The following AMOTL1 variants were observed in gnomAD, a reference collection of about 807,000 sequenced individuals.
AMOTL1 encodes angiomotin like 1.
Under a neutral mutation model 102.9 loss-of-function variants are expected in AMOTL1, and 45 were observed. The ratio of observed to expected loss-of-function variants is 0.44; its 90% CI spans 0.34 to 0.56. The LOEUF is 0.56. AMOTL1 is among the 20% of genes least tolerant of loss of function. The pLI is 0.01. For missense variants in AMOTL1, 1,114 were observed against 1,225.6 expected (o/e 0.91, Z 1.36); for synonymous variants, 481 against 484.7 (o/e 0.99, Z 0.10).
chr11:94,860,945 C>G (rs1952761289), intron 9 of AMOTL1, among the ~76,000 whole-genome samples: 1 of 152,136 alleles, frequency 6.6e-6, no homozygotes, highest in African/African-American at 2.4e-5. Flanking sequence ...GGGAGAATCC[C>G]CAGTGGTATG....
intron 3 of AMOTL1, among the ~76,000 whole-genome samples, chr11:94,750,614 T>C (rs1053485390): frequency 1.3e-5 from 2 of 152,154 alleles, no homozygotes; most frequent in African/African-American, 4.8e-5. Flanking sequence ...CCTGCCTTGC[T>C]CCCGTGATGT....
At chr11:94,829,971 C>CAATG in intron 4 of AMOTL1, 79 bp from the exon 5 acceptor site, 2 of 1,389,066 alleles carry the variant, frequency 1.4e-6, no homozygotes, top group Non-Finnish European at 1.9e-6. Flanking sequence ...TTCACACTGG[C>CAATG]AATGTCTAAG....
intron 1 of AMOTL1, among the ~76,000 whole-genome samples, chr11:94,786,615 T>G (rs1406044607): frequency 6.6e-6 from 1 of 152,184 alleles, no homozygotes; most frequent in African/African-American, 2.4e-5. Flanking sequence ...TTATTACACT[T>G]TAAGTTTTAA....
rs529869714 is a variant in AMOTL1 at position 94,869,581 on chromosome 11, C to T, written c.2764+108C>T. The T allele has an allele frequency of 3.9e-6, 5 of 1,288,138 alleles. No individual in the cohort carries two copies. In the East Asian group the frequency reaches 1.0e-4, roughly 26 times the overall value. The allele number at this position is 1,288,138 out of a possible 1,614,324, so 79.8% of individuals were successfully genotyped here. On this transcript the variant is annotated intron_variant, in intron 12 of 12. Transcript: ENST00000433060. Reference sequence around the variant, plus strand: ...AAGCAGGGGCACCCATCAGCTCTTACTCTATGGGGATGCTATTCTAATGCA... The same window carrying T: ...AAGCAGGGGCACCCATCAGCTCTTATTCTATGGGGATGCTATTCTAATGCA...
upstream of AMOTL1, chr11:94,768,299 C>G (rs1202065350): frequency 7.5e-7 from 1 of 1,342,114 alleles, no homozygotes; most frequent in Non-Finnish European, 9.5e-7. Context: ...TAGTGACGAG[C>G]CCGGGCGACC....
intron 6 of AMOTL1, among the ~76,000 whole-genome samples, chr11:94,833,176 G>A (rs1032990191): frequency 2.0e-5 from 3 of 152,210 alleles, no homozygotes; most frequent in Non-Finnish European, 4.4e-5. Context: ...CTGCTTAAAG[G>A]ATCTCAGTGT....
intron 6 of AMOTL1, among the ~76,000 whole-genome samples, chr11:94,839,904 A>C (rs1007175443): frequency 1.3e-5 from 2 of 152,200 alleles, no homozygotes; most frequent in African/African-American, 4.8e-5. Context: ...CTTAATACTA[A>C]TGTATTCAGA....
chr11:94,787,936 A>G (rs1443481135), intron 1 of AMOTL1, among the ~76,000 whole-genome samples: 2 of 152,146 alleles, frequency 1.3e-5, no homozygotes, highest in Admixed American at 6.5e-5. Flanking sequence ...GCCACTGGGA[A>G]CCCAGCCAGA....
chr11:94,785,555 A>G lies in AMOTL1; in HGVS notation c.50-9456A>G, dbSNP rs142183406. Among the ~76,000 whole-genome samples the G allele has an allele frequency of 1.7e-3, 263 of 152,328 alleles. 4 individuals are homozygous for G. Among genetic ancestry groups the G allele is most frequent in the Non-Finnish European group, 1.6e-4 (11 of 68,030 alleles). ...TTTCTTGGAGATATTGGTTGTTTAA[A>G]TTATGTAATTCATTCATGAACGCAT... On this transcript the variant is annotated intron_variant, in intron 1 of 12. Coordinates refer to ENST00000433060, the MANE Select transcript of AMOTL1 (RefSeq NM_130847.3).
chr11:94,755,005 A>T (rs969282056), intron 3 of AMOTL1, among the ~76,000 whole-genome samples: 5 of 152,134 alleles, frequency 3.3e-5, no homozygotes, highest in Admixed American at 6.5e-5. Context: ...TGCTCTTAGT[A>T]GGTGTGATAA....
rs1046957263 is a variant in AMOTL1 at position 94,874,873 on chromosome 11, T to G, written c.*4078T>G. 4 of 152,098 alleles carry G rather than the reference T, an allele frequency of 2.6e-5. No individual in the cohort carries two copies. The highest frequency in any genetic ancestry group is 1.3e-4 in the Admixed American group (2 of 15,270). The allele number at this position is 152,098 out of a possible 1,614,324, so 9.4% of individuals were successfully genotyped here. The stretch of plus-strand genomic sequence containing the variant: ...GAGTTATGCTGAGCAAAGAGATGTG[T>G]TTTTCAAAACCAGGGTTCAAAACCA... On this transcript the variant is annotated 3_prime_UTR_variant, in exon 13 of 13. Transcript: ENST00000433060.
chr11:94,827,604 C>A (rs1327824591), intron 4 of AMOTL1, among the ~76,000 whole-genome samples: 1 of 152,178 alleles, frequency 6.6e-6, no homozygotes, highest in Non-Finnish European at 1.5e-5. Context: ...TTCATGATAT[C>A]TGTGGACGAA....
intron 1 of AMOTL1, among the ~76,000 whole-genome samples, chr11:94,717,166 T>C (rs1950110985): frequency 6.6e-6 from 1 of 151,800 alleles, no homozygotes; most frequent in African/African-American, 2.4e-5. Context: ...ACTTTTCTTT[T>C]TTCCATATTT....
intron 3 of AMOTL1, among the ~76,000 whole-genome samples, chr11:94,747,430 G>T (rs932412811): frequency 2.0e-4 from 30 of 152,200 alleles, no homozygotes. Flanking sequence ...GGGCCAATAT[G>T]CAAGGAGAAA....
At chr11:94,798,611 G>A (rs2135569138) in intron 2 of AMOTL1, among the ~76,000 whole-genome samples, 1 of 152,224 alleles carries the variant, frequency 6.6e-6, no homozygotes, top group African/African-American at 2.4e-5. Context: ...AGTTGACGAC[G>A]AGGGGTAGGT....
chr11:94,820,572 C>G (rs1359609351), intron 3 of AMOTL1, among the ~76,000 whole-genome samples: 1 of 152,232 alleles, frequency 6.6e-6, no homozygotes, highest in Non-Finnish European at 1.5e-5. Context: ...TTTCCGCAGA[C>G]AATCGCGGGG....
At chr11:94,756,607 T>C (rs1396305800) in intron 3 of AMOTL1, among the ~76,000 whole-genome samples, 2 of 152,224 alleles carry the variant, frequency 1.3e-5, no homozygotes, top group Non-Finnish European at 2.9e-5. Context: ...TTGAAAAACA[T>C]TATTGCTATA....
Position 94,866,149 on chromosome 11 carries a change from G to T in AMOTL1, c.2469G>T (p.Lys823Asn). 6.2e-7 allele frequency: 1 copy of T among 1,613,978 alleles called. No individual in the cohort carries two copies. The highest frequency in any genetic ancestry group is 8.5e-7 in the Non-Finnish European group (1 of 1,179,884). ...SQLAEEKKEE[K>N]TWKGSIGLLL... ...TGGCTGAGGAAAAGAAGGAAGAGAA[G>T]ACCTGGAAGGGGAGCATAGGTGAGC... The change falls in exon 11 of 13, where the codon AAG becomes AAT. Residue 823 changes from lysine (K) to asparagine (N), a missense_variant. By Grantham distance (94) the Lys-to-Asn change is moderately conservative (BLOSUM62 0). Transcript: ENST00000433060.
At position 94,743,651 on chromosome 11, in the gene AMOTL1, C is replaced by CTTT. The variant is rs760828820; in HGVS notation, c.136+2686_136+2688dup. On this transcript the variant is annotated intron_variant, in intron 3 of 4. Coordinates refer to the AMOTL1 transcript ENST00000299004. Reference sequence around the variant, plus strand: ...AATTATTTCTCTACTCACAATACTTCTTTTTTTTTTTTTTTTTTTTTTTTT... The same window carrying CTTT: ...AATTATTTCTCTACTCACAATACTTCTTTTTTTTTTTTTTTTTTTTTTTTTTTT... Among the ~76,000 whole-genome samples, 488 of 98,156 alleles carry CTTT rather than the reference C, an allele frequency of 5.0e-3. 52 individuals carry two copies. Among genetic ancestry groups the CTTT allele is most frequent in the African/African-American group, 0.022 (467 of 21,094 alleles). The allele number at this position is 98,156 out of a possible 152,430, so 64.4% of individuals were successfully genotyped here.
Sources: allele counts gnomAD v4.1 joint callset (sites outside exome capture counted in the v4.1 genomes callset), GRCh38; gene constraint gnomAD v4.1.1; transcripts MANE v1.5; gene names NCBI Gene and HGNC (gene_info 2026-07-23, HGNC 2026-07-21).